Variants in TMEM63C observed in about 807,000 individuals in gnomAD.
TMEM63C encodes the protein transmembrane protein 63C.
A neutral mutation model predicts 99.2 loss-of-function variants in TMEM63C; 32 were observed. The ratio of observed to expected loss-of-function variants is 0.32; its 90% CI spans 0.24 to 0.43. The LOEUF (loss-of-function observed/expected upper bound fraction) is 0.43, where lower values mean the gene tolerates loss of function less well. Among genes scored for constraint, TMEM63C ranks in the 20% least tolerant of loss-of-function variants. The probability of loss-of-function intolerance (pLI) is 1.00; values close to 1 mark genes in which losing one functional copy is unlikely to be tolerated. For missense variants in TMEM63C, 826 were observed against 1,053.0 expected, an observed-to-expected ratio of 0.78 and a Z score of 2.98; for synonymous variants, 376 against 397.9, an observed-to-expected ratio of 0.94 and a Z score of 0.66.
chr14:77,252,013 TTGTCTC>T lies in TMEM63C; in HGVS notation c.2148+118_2148+123del, dbSNP rs973138230. ...ACCACAGGATGAAAGGGTCTCGCCTTTGTCTCTGACTGTAGAGCGTGGAGCCCAGTG... is the reference window on the plus strand; with the variant it reads ...ACCACAGGATGAAAGGGTCTCGCCTTTGACTGTAGAGCGTGGAGCCCAGTG... On this transcript the variant is annotated intron_variant, in intron 22 of 23. Coordinates refer to ENST00000298351, the MANE Select transcript of TMEM63C (RefSeq NM_020431.4). 6 of 882,016 alleles carry T rather than the reference TTGTCTC, an allele frequency of 6.8e-6. No individual in the cohort carries two copies. In the Admixed American group the frequency reaches 7.3e-5, roughly 11 times the overall value. The allele number at this position is 882,016 out of a possible 1,614,324, so 54.6% of individuals were successfully genotyped here.
At chr14:77,190,120 T>G (rs1321890894) in intron 1 of TMEM63C, among the ~76,000 whole-genome samples, 1 of 151,636 alleles carries the variant, frequency 6.6e-6, no homozygotes, top group Non-Finnish European at 1.5e-5. Flanking sequence ...GAATTATGAT[T>G]ATTATTATTA....
At chr14:77,216,985 G>T (rs1484504099) in intron 2 of TMEM63C, among the ~76,000 whole-genome samples, 2 of 152,120 alleles carry the variant, frequency 1.3e-5, no homozygotes, top group Non-Finnish European at 2.9e-5. Flanking sequence ...GGGCAACATA[G>T]TGAGACCCTT....
chr14:77,253,103 T>C (rs1889397923), intron 22 of TMEM63C, among the ~76,000 whole-genome samples: 1 of 152,174 alleles, frequency 6.6e-6, no homozygotes, highest in African/African-American at 2.4e-5. Context: ...AATAGAACAT[T>C]CCAGAAGGGA....
intron 1 of TMEM63C, among the ~76,000 whole-genome samples, chr14:77,187,515 T>C (rs1219051759): frequency 6.6e-6 from 1 of 152,160 alleles, no homozygotes; most frequent in Non-Finnish European, 1.5e-5. Context: ...CCACACTCCA[T>C]GGAGGGGCTT....
At chr14:77,246,419 T>C (rs1889269184) in intron 17 of TMEM63C, among the ~76,000 whole-genome samples, 190 bp from the exon 18 acceptor site, 1 of 152,224 alleles carries the variant, frequency 6.6e-6, no homozygotes, top group African/African-American at 2.4e-5. Context: ...GAGGTGGCCT[T>C]GAGCTGAAAG....
At chr14:77,254,864 C>T (rs541700203) in intron 23 of TMEM63C, among the ~76,000 whole-genome samples, 1 of 152,298 alleles carries the variant, frequency 6.6e-6, no homozygotes, top group Admixed American at 6.5e-5. Flanking sequence ...TCCCACCACC[C>T]AGAGATGACC....
At chr14:77,199,897 G>A (rs1351248500) in intron 1 of TMEM63C, among the ~76,000 whole-genome samples, 5 of 152,182 alleles carry the variant, frequency 3.3e-5, no homozygotes, top group African/African-American at 9.7e-5. Flanking sequence ...CAAGAAAGGA[G>A]GGGAAACTAA....
At chr14:77,213,740 T>C (rs1270100879) in intron 2 of TMEM63C, 1 of 152,204 alleles carries the variant, frequency 6.6e-6, no homozygotes, top group Admixed American at 6.5e-5. Context: ...GCCGTTGAAG[T>C]GTACTGTGTT....
chr14:77,208,868 C>A (rs1888448653), intron 1 of TMEM63C, among the ~76,000 whole-genome samples: 1 of 152,208 alleles, frequency 6.6e-6, no homozygotes, highest in Non-Finnish European at 1.5e-5. Context: ...ATGCCTTTGC[C>A]CAGCATGGTG....
intron 13 of TMEM63C, 140 bp from the exon 14 acceptor site, chr14:77,242,207 G>T (rs1889189057): frequency 2.1e-6 from 2 of 950,930 alleles, no homozygotes; most frequent in African/African-American, 1.6e-5. Context: ...CATATCCAAG[G>T]CTTCAAGAAT....
chr14:77,251,606 A>G (rs1566632275), intron 21 of TMEM63C, 183 bp from the exon 22 acceptor site: 1 of 600,890 alleles, frequency 1.7e-6, no homozygotes, highest in Admixed American at 2.9e-5. Context: ...ACAGATGCCA[A>G]ATTCTAACAG....
At chr14:77,193,292 A>C (rs1462599890) in intron 1 of TMEM63C, among the ~76,000 whole-genome samples, 1 of 152,258 alleles carries the variant, frequency 6.6e-6, no homozygotes, top group African/African-American at 2.4e-5. Context: ...GGGGCAGAGC[A>C]AACTGGTTCA....
chr14:77,246,446 C>T (rs552837909), intron 17 of TMEM63C, among the ~76,000 whole-genome samples, 163 bp from the exon 18 acceptor site: 2 of 152,310 alleles, frequency 1.3e-5, no homozygotes, highest in East Asian at 3.9e-4. Flanking sequence ...GGGCTCGGGG[C>T]CAGGACAGCC....
intron 5 of TMEM63C, among the ~76,000 whole-genome samples, chr14:77,224,583 C>T (rs558576596): frequency 3.4e-4 from 52 of 152,200 alleles, no homozygotes; most frequent in Admixed American, 9.8e-4. Flanking sequence ...TCTTACACAC[C>T]GTTCCAAAGA....
chr14:77,202,964 C>T (rs1888328312), intron 1 of TMEM63C, among the ~76,000 whole-genome samples: 2 of 152,150 alleles, frequency 1.3e-5, no homozygotes, highest in African/African-American at 4.8e-5. Flanking sequence ...TCTGGGTGTC[C>T]AGCACTGAGA....
chr14:77,254,520 G>A (rs1411904070), intron 23 of TMEM63C, among the ~76,000 whole-genome samples: 1 of 152,126 alleles, frequency 6.6e-6, no homozygotes, highest in Non-Finnish European at 1.5e-5. Context: ...GACCCCTCTT[G>A]GAATATTGTT....
At chr14:77,204,801 G>A (rs1302282484) in intron 1 of TMEM63C, among the ~76,000 whole-genome samples, 2 of 152,238 alleles carry the variant, frequency 1.3e-5, no homozygotes, top group Non-Finnish European at 2.9e-5. Context: ...ATAAGTAGGT[G>A]CTATTAACAT....
intron 1 of TMEM63C, among the ~76,000 whole-genome samples, chr14:77,211,693 C>T (rs2655978): frequency 0.99 from 151,312 of 152,292 alleles, 75,178 homozygotes; most frequent in Middle Eastern, 1. Flanking sequence ...CAAAGCTAGC[C>T]CTTTTTGAAG....
intron 23 of TMEM63C, among the ~76,000 whole-genome samples, chr14:77,255,179 T>TG (rs1354607094): frequency 4.6e-5 from 7 of 152,160 alleles, no homozygotes; most frequent in Non-Finnish European, 1.0e-4. Flanking sequence ...TTAGTACAGA[T>TG]GGGGTTTTAC....
Sources: allele counts gnomAD v4.1 joint callset (sites outside exome capture counted in the v4.1 genomes callset), GRCh38; gene constraint gnomAD v4.1.1; transcripts MANE v1.5; gene names NCBI Gene and HGNC (gene_info 2026-07-23, HGNC 2026-07-21).